CRISPLD2: variants seen among roughly 807,000 people sequenced by gnomAD.
CRISPLD2 encodes the protein cysteine-rich secretory protein LCCL domain-containing 2.
Under a neutral mutation model 71.1 loss-of-function variants are expected in CRISPLD2, and 47 were observed. The ratio of observed to expected loss-of-function variants is 0.66; its 90% confidence interval spans 0.52 to 0.84. The LOEUF is 0.84. CRISPLD2 is among the 40% of genes least tolerant of loss of function. The pLI, the probability that CRISPLD2 is intolerant of heterozygous loss-of-function variation, is 0.00. For missense variants in CRISPLD2, 830 were observed against 651.1 expected, an observed-to-expected ratio of 1.27 and a Z score of -2.99; for synonymous variants, 317 against 250.1, an observed-to-expected ratio of 1.27 and a Z score of -2.52.
At chr16:84,883,377 T>C (rs1379297369) in intron 13 of CRISPLD2, among the ~76,000 whole-genome samples, 1 of 152,234 alleles carries the variant, frequency 6.6e-6, no homozygotes, top group Non-Finnish European at 1.5e-5. Flanking sequence ...CCTCGCTGTG[T>C]GGTGAGCTGC....
intron 14 of CRISPLD2, among the ~76,000 whole-genome samples, chr16:84,902,335 C>T (rs1480133130): frequency 2.6e-5 from 4 of 151,806 alleles, no homozygotes; most frequent in Non-Finnish European, 4.4e-5. Context: ...ACAGGCCGGG[C>T]GCAGTGGCTC....
intron 6 of CRISPLD2, among the ~76,000 whole-genome samples, chr16:84,863,618 CATCTGTGAAATGTGGCCA>C (rs1917449754): frequency 6.6e-6 from 1 of 152,224 alleles, no homozygotes; most frequent in Non-Finnish European, 1.5e-5. Flanking sequence ...CCTTCTTCCT[CATCTGTGAAATGTGGCCA>C]ATCATGCCTC....
chr16:84,827,147 A>G (rs1046321916), intron 1 of CRISPLD2, among the ~76,000 whole-genome samples: 6 of 145,826 alleles, frequency 4.1e-5, no homozygotes, highest in African/African-American at 1.3e-4. Flanking sequence ...GCACCCCCCA[A>G]GGTAGTCATT....
At chr16:84,858,877 C>G (rs1051989423) in intron 6 of CRISPLD2, among the ~76,000 whole-genome samples, 2 of 152,036 alleles carry the variant, frequency 1.3e-5, no homozygotes, top group African/African-American at 4.8e-5. Flanking sequence ...GAAACCACAT[C>G]TGGTGCAGCA....
At chr16:84,870,274 GT>G (rs941993703) in intron 8 of CRISPLD2, among the ~76,000 whole-genome samples, 11 of 126,574 alleles carry the variant, frequency 8.7e-5, no homozygotes, top group African/African-American at 3.5e-4. Flanking sequence ...TTTCCTTCCA[GT>G]CTTTTTTTCT....
chr16:84,880,597 C>G lies in CRISPLD2; in HGVS notation c.1305+13C>G. On this transcript the variant is annotated intron_variant, in intron 13 of 14. Transcript: ENST00000262424. ...CATCTATGCAGATGTGAGTAGGATG[C>G]ATTTTCAACAACTATCTCGCAAAGC... 6.2e-7 allele frequency: 1 copy of G among 1,609,032 alleles called. No individual in the cohort carries two copies. The highest frequency in any genetic ancestry group is 8.5e-7 in the Non-Finnish European group (1 of 1,175,708).
chr16:84,853,121 C>T (rs894625332), intron 5 of CRISPLD2, among the ~76,000 whole-genome samples: 2 of 152,156 alleles, frequency 1.3e-5, no homozygotes, highest in Non-Finnish European at 2.9e-5. Flanking sequence ...AGCCTTCCAC[C>T]AATGCCAACC....
Position 84,909,187 on chromosome 16 carries a change from C to A in CRISPLD2, c.*2545C>A, listed in dbSNP as rs1420440604. 6.6e-6 allele frequency: 1 copy of A among 152,652 alleles called. No individual in the cohort carries two copies. Among genetic ancestry groups the A allele is most frequent in the African/African-American group, 2.4e-5 (1 of 41,454 alleles). The allele number at this position is 152,652 out of a possible 1,614,324, so 9.5% of individuals were successfully genotyped here. A position where few individuals can be genotyped will look rare whatever the true frequency, so the allele number is the denominator to read the frequency against. ...TGTACCAAGCCAACGGCGTTCCTGG[C>A]TCTCCTGCCCACAGGATGAACATTT... On this transcript the variant is annotated 3_prime_UTR_variant, in exon 15 of 15. Coordinates refer to ENST00000262424, the MANE Select transcript of CRISPLD2 (RefSeq NM_031476.4).
chr16:84,879,146 C>T (rs936678506), intron 12 of CRISPLD2, among the ~76,000 whole-genome samples: 3 of 152,150 alleles, frequency 2.0e-5, no homozygotes, highest in Admixed American at 6.5e-5. Flanking sequence ...CCACTGCCTC[C>T]GCACCACCGT....
At chr16:84,868,657 C>T (rs28453210) in intron 7 of CRISPLD2, among the ~76,000 whole-genome samples, 194 bp from the exon 8 acceptor site, 2,424 of 152,366 alleles carry the variant, frequency 0.016, 74 homozygotes, top group African/African-American at 0.056. Flanking sequence ...TTCAAGGTCA[C>T]ACTGCTACTG....
intron 2 of CRISPLD2, among the ~76,000 whole-genome samples, chr16:84,843,717 T>C (rs1265959607): frequency 1.3e-5 from 2 of 152,256 alleles, no homozygotes; most frequent in African/African-American, 4.8e-5. Context: ...TAGCATATTT[T>C]AGTAACTTAT....
At chr16:84,900,996 A>G (rs186225398) in intron 14 of CRISPLD2, among the ~76,000 whole-genome samples, 127 of 148,468 alleles carry the variant, frequency 8.6e-4, no homozygotes, top group African/African-American at 3.0e-3. Context: ...GCTGCAGTGA[A>G]TCATGATGGT....
chr16:84,867,677 C>G (rs987079018), intron 7 of CRISPLD2, among the ~76,000 whole-genome samples: 3 of 152,358 alleles, frequency 2.0e-5, no homozygotes, highest in South Asian at 2.1e-4. Context: ...AGCAATTCTC[C>G]TGCCTCAGCC....
At chr16:84,900,794 A>G (rs1286752682) in intron 14 of CRISPLD2, among the ~76,000 whole-genome samples, 1 of 152,168 alleles carries the variant, frequency 6.6e-6, no homozygotes, top group East Asian at 1.9e-4. Context: ...GCTCGCGCTT[A>G]TAATCCGGGC....
chr16:84,841,943 A>G lies in CRISPLD2; in HGVS notation c.240+3208A>G, dbSNP rs73250054. ...GGTGTTGGGGATTGGAGGGCGCAGC[A>G]GGAAGCAGGGAGGCGGCTCAGGTGA... On this transcript the variant is annotated intron_variant, in intron 2 of 14. Transcript: ENST00000262424. 3.8e-3 allele frequency: 583 copies of G among 153,118 alleles called. 1 individual carries two copies. The highest frequency in any genetic ancestry group is 0.023 in the Middle Eastern group (7 of 302). 9.5% of individuals were successfully genotyped at this position (153,118 alleles called of 1,614,324 possible).
Position 84,858,207 on chromosome 16 carries a change from G to C in CRISPLD2, c.709+3378G>C, listed in dbSNP as rs969628802. On this transcript the variant is annotated intron_variant, in intron 6 of 14. Transcript: ENST00000262424. ...CAAGCACCATTGGATCTGCTGGGTC[G>C]TATGGCCCAAGTGGTAGAGCAGCTT... Among the ~76,000 whole-genome samples the C allele has an allele frequency of 2.2e-4, 33 of 152,172 alleles. 2 individuals are homozygous for C. The highest frequency in any genetic ancestry group is 2.9e-5 in the Non-Finnish European group (2 of 68,038).
At chr16:84,838,911 C>G in intron 2 of CRISPLD2, 176 bp downstream of exon 2, 1 of 859,050 alleles carries the variant, frequency 1.2e-6, no homozygotes, top group Non-Finnish European at 1.9e-6. Flanking sequence ...TGTTTTGAGA[C>G]AGGGTCTCAC....
At position 84,849,243 on chromosome 16, in the gene CRISPLD2, C is replaced by T. The variant is rs569233365; in HGVS notation, c.360-142C>T. 99 of 806,174 alleles carry T rather than the reference C, an allele frequency of 1.2e-4. No homozygotes were observed. In the East Asian group the frequency reaches 2.3e-3, roughly 19 times the overall value. 49.9% of individuals were successfully genotyped at this position (806,174 alleles called of 1,614,324 possible). On this transcript the variant is annotated intron_variant, in intron 3 of 14. Transcript: ENST00000262424. ...CCGCCTCCTCGGCCTCCCTCCCTCC[C>T]GGCTGCCCGTGGCTGCTCCTGGAAT...
intron 1 of CRISPLD2, among the ~76,000 whole-genome samples, chr16:84,824,971 G>A (rs571236421): frequency 1.3e-5 from 2 of 152,074 alleles, no homozygotes; most frequent in Non-Finnish European, 2.9e-5. Flanking sequence ...GGGCGTGGTG[G>A]CAGGCACCTG....
Sources: gnomAD v4.1 joint callset for allele counts (sites outside exome capture counted in the v4.1 genomes callset) on GRCh38, gnomAD v4.1.1 for gene constraint, MANE v1.5 for transcripts, NCBI Gene and HGNC (gene_info 2026-07-23, HGNC 2026-07-21) for gene names.